EPSTI1: variants seen among roughly 807,000 people sequenced by gnomAD.
EPSTI1 encodes the protein epithelial stromal interaction 1.
Under a neutral mutation model 49.9 loss-of-function variants are expected in EPSTI1, and 66 were observed. That is an observed-to-expected ratio of 1.32 (90% CI 1.08 to 1.62). The LOEUF is 1.62. Among genes scored for constraint, EPSTI1 ranks in the 40% most tolerant of loss-of-function variants. EPSTI1 has a pLI of 0.00. For synonymous variants in EPSTI1, 137 were observed against 130.7 expected (o/e 1.05, Z -0.33); for missense variants, 394 against 365.5 (o/e 1.08, Z -0.64).
intron 6 of EPSTI1, among the ~76,000 whole-genome samples, chr13:42,927,943 C>T (rs577276560): frequency 1.3e-5 from 2 of 152,270 alleles, no homozygotes; most frequent in East Asian, 3.9e-4. Context: ...TAGGAGAAAG[C>T]AGTGAAAAAG....
chr13:42,971,445 T>G (rs2039765799), intron 1 of EPSTI1, among the ~76,000 whole-genome samples: 1 of 152,174 alleles, frequency 6.6e-6, no homozygotes, highest in African/African-American at 2.4e-5. Context: ...TGTGAGTCTG[T>G]GTGGGGGTGG....
intron 9 of EPSTI1, among the ~76,000 whole-genome samples, chr13:42,896,945 C>A (rs994439680): frequency 6.6e-6 from 1 of 151,972 alleles, no homozygotes; most frequent in Admixed American, 6.6e-5. Flanking sequence ...ACTAAAAACA[C>A]AAAAATTAGC....
intron 6 of EPSTI1, among the ~76,000 whole-genome samples, chr13:42,940,253 G>T (rs544305731): frequency 3.2e-4 from 48 of 152,190 alleles, no homozygotes; most frequent in African/African-American, 1.0e-3. Flanking sequence ...CTTTCTTTCT[G>T]GTTCTCAGTA....
chr13:42,972,092 G>A (rs2039781550), intron 1 of EPSTI1, among the ~76,000 whole-genome samples: 1 of 152,172 alleles, frequency 6.6e-6, no homozygotes, highest in South Asian at 2.1e-4. Flanking sequence ...TGATGCAATG[G>A]TGAGCCATGC....
intron 6 of EPSTI1, among the ~76,000 whole-genome samples, chr13:42,938,150 C>CAAAA: frequency 6.6e-6 from 1 of 151,252 alleles, no homozygotes; most frequent in Non-Finnish European, 1.5e-5. Flanking sequence ...TGCCAAATAT[C>CAAAA]CTAATAGGTA....
At chr13:42,891,492 T>A (rs1044339992) in intron 10 of EPSTI1, among the ~76,000 whole-genome samples, 1 of 151,594 alleles carries the variant, frequency 6.6e-6, no homozygotes, top group African/African-American at 2.4e-5. Context: ...TTTAGGAGGG[T>A]TTTTTTTGCC....
chr13:42,939,246 G>A lies in EPSTI1; in HGVS notation c.564-12817C>T, dbSNP rs55878326. Among the ~76,000 whole-genome samples the A allele has an allele frequency of 1.7e-3, 252 of 152,278 alleles. 1 individual carries two copies. Among genetic ancestry groups the A allele is most frequent in the African/African-American group, 5.7e-3 (237 of 41,558 alleles). ...GAACTTTCTTCATATTAGCAATACA[G>A]CTATTTTGCCTTCGTATCATTCACA... On this transcript the variant is annotated intron_variant, in intron 6 of 10. Transcript: ENST00000313624.
At chr13:42,967,929 C>A (rs943915040) in intron 3 of EPSTI1, among the ~76,000 whole-genome samples, 3 of 152,166 alleles carry the variant, frequency 2.0e-5, no homozygotes, top group African/African-American at 7.2e-5. Flanking sequence ...CTACCTGAAA[C>A]AGGCCTGGGT....
intron 8 of EPSTI1, among the ~76,000 whole-genome samples, chr13:42,915,484 A>T (rs2037803647): frequency 6.6e-6 from 1 of 152,204 alleles, no homozygotes; most frequent in African/African-American, 2.4e-5. Context: ...GTGAGCCAAG[A>T]TCATGCCACT....
chr13:42,932,761 TA>T (rs2038420022), intron 6 of EPSTI1, among the ~76,000 whole-genome samples: 1 of 152,066 alleles, frequency 6.6e-6, no homozygotes, highest in Non-Finnish European at 1.5e-5. Context: ...AGAAAAACAA[TA>T]ACTTAACAGT....
intron 5 of EPSTI1, among the ~76,000 whole-genome samples, chr13:42,962,712 T>C (rs1353430345): frequency 6.6e-6 from 1 of 151,312 alleles, no homozygotes; most frequent in Non-Finnish European, 1.5e-5. Flanking sequence ...CCCAGGAGAC[T>C]GAGGCTGCAG....
intron 6 of EPSTI1, among the ~76,000 whole-genome samples, chr13:42,928,365 T>C (rs1210231642): frequency 6.6e-6 from 1 of 152,174 alleles, no homozygotes; most frequent in East Asian, 1.9e-4. Flanking sequence ...ATGTAGAACC[T>C]GTTTGAGGGG....
chr13:42,937,484 A>C (rs1594683881), intron 6 of EPSTI1, among the ~76,000 whole-genome samples: 1 of 152,192 alleles, frequency 6.6e-6, no homozygotes, highest in South Asian at 2.1e-4. Flanking sequence ...AATCTCTTAA[A>C]CCCTGCCACC....
At chr13:42,897,699 G>A (rs543507996) in intron 9 of EPSTI1, among the ~76,000 whole-genome samples, 19 of 152,320 alleles carry the variant, frequency 1.2e-4, no homozygotes, top group Admixed American at 5.9e-4. Flanking sequence ...GGACATCAGA[G>A]TGGTTGAGCA....
Position 42,969,197 on chromosome 13 carries a change from T to A in EPSTI1, c.248-20A>T. The A allele has an allele frequency of 6.2e-7, 1 of 1,610,922 alleles. No individual in the cohort carries two copies. Among genetic ancestry groups the A allele is most frequent in the South Asian group, 1.1e-5 (1 of 90,780 alleles). On this transcript the variant is annotated intron_variant, in intron 2 of 10. Coordinates refer to ENST00000313624, the MANE Select transcript of EPSTI1 (RefSeq NM_033255.5). ...CCGCAACTAAGCCAGGCGAGAAATA[T>A]CAAATCGTCAATTATTAGACTTCTA... is the stretch of plus-strand genomic sequence containing the variant.
At chr13:42,945,697 A>G (rs2038898586) in intron 6 of EPSTI1, among the ~76,000 whole-genome samples, 1 of 152,234 alleles carries the variant, frequency 6.6e-6, no homozygotes, top group Non-Finnish European at 1.5e-5. Flanking sequence ...AAATCACAAA[A>G]GACACAGGCC....
intron 6 of EPSTI1, among the ~76,000 whole-genome samples, chr13:42,942,789 C>A (rs538468455): frequency 6.7e-6 from 1 of 150,294 alleles, no homozygotes; most frequent in Admixed American, 6.6e-5. Flanking sequence ...CCCGGGTTCA[C>A]GCCATTCTCC....
At chr13:42,889,808 ATTG>A (rs973586978) in intron 10 of EPSTI1, among the ~76,000 whole-genome samples, 33 of 151,980 alleles carry the variant, frequency 2.2e-4, no homozygotes, top group African/African-American at 8.0e-4. Flanking sequence ...CTTTTTTGTT[ATTG>A]TTGTTTATAC....
In EPSTI1 at chr13:42,922,801, TGA is replaced by T. The variant is rs1028094628; in HGVS notation, c.657+3533_657+3534del. On this transcript the variant is annotated intron_variant, in intron 7 of 10. Coordinates refer to ENST00000313624, the MANE Select transcript of EPSTI1 (RefSeq NM_033255.5). This position sits in a 1 kb window ranked among gnomAD's most constrained non-coding sequence, Gnocchi z 4.8. ...CCTGCACTGAGTGCTCACAGTAGTG[TGA>T]GAGAGGAGAGCTGGAGAGGCATGAG... 4.6e-5 allele frequency among the ~76,000 whole-genome samples: 7 copies of T among 152,118 alleles called. No individual in the cohort carries two copies. The highest frequency in any genetic ancestry group is 1.4e-4 in the African/African-American group (6 of 41,416).
Sources: allele counts gnomAD v4.1 joint callset (sites outside exome capture counted in the v4.1 genomes callset), GRCh38; gene constraint gnomAD v4.1.1; non-coding constraint Gnocchi (gnomAD v3.1); transcripts MANE v1.5; gene names NCBI Gene and HGNC (gene_info 2026-07-23, HGNC 2026-07-21).